The following HMCN2 variants were observed in gnomAD, a reference collection of about 807,000 sequenced individuals.
HMCN2 encodes the protein hemicentin 2.
HMCN2 carries 325 observed loss-of-function variants against 377.5 expected under a neutral mutation model. That is an observed-to-expected ratio of 0.86 (90% CI 0.79 to 0.94). The LOEUF is 0.94. Ranked by LOEUF, HMCN2 falls within the 40% of genes least tolerant of loss-of-function variation. HMCN2 has a pLI of 0.00. For missense variants in HMCN2, 4,543 were observed against 4,725.3 expected, an observed-to-expected ratio of 0.96 and a Z score of 1.13; for synonymous variants, 2,007 against 2,046.8, an observed-to-expected ratio of 0.98 and a Z score of 0.53.
rs1554936613 is a variant in HMCN2 at position 130,306,151 on chromosome 9, C to T, written c.1839C>T (p.His613=). The change falls in exon 12 of 98, where the codon CAC becomes CAT. Residue 613 remains histidine, a synonymous_variant. Transcript: ENST00000683500. ...LVREAPQVSI[H]TSSQHFSQGV... ...CAGAGGCCCCACAGGTCAGCATCCA[C>T]ACCAGCTCCCAGCACTTCTCCCAAG... The T allele has an allele frequency of 2.1e-6, 1 of 471,190 alleles. No homozygotes were observed. The highest frequency in any genetic ancestry group is 1.5e-5 in the South Asian group (1 of 64,564). 29.2% of individuals were successfully genotyped at this position (471,190 alleles called of 1,614,324 possible). A position where few individuals can be genotyped will look rare whatever the true frequency, so the allele number is the denominator to read the frequency against.
At chr9:130,341,527 G>A (rs926234438) in intron 24 of HMCN2, among the ~76,000 whole-genome samples, 162 bp downstream of exon 24, 3 of 152,330 alleles carry the variant, frequency 2.0e-5, no homozygotes, top group Admixed American at 2.0e-4. Context: ...CAGCCCCACA[G>A]CTTTGGGGCT....
At chr9:130,323,960 C>T (rs1211601465) in intron 19 of HMCN2, among the ~76,000 whole-genome samples, 2 of 152,222 alleles carry the variant, frequency 1.3e-5, no homozygotes, top group Non-Finnish European at 2.9e-5. Flanking sequence ...CCTCAGCCTC[C>T]CCAAGTGCTG....
intron 58 of HMCN2, 72 bp downstream of exon 58, chr9:130,384,606 A>G (rs1841914707): frequency 1.5e-6 from 2 of 1,300,890 alleles, no homozygotes; most frequent in Non-Finnish European, 1.0e-6. Flanking sequence ...GACCTGGGAC[A>G]GGGCCGTCAG....
At chr9:130,307,069 C>T (rs111654997) in intron 13 of HMCN2, 131 bp downstream of exon 13, 6 of 358,964 alleles carry the variant, frequency 1.7e-5, no homozygotes, top group African/African-American at 1.1e-4. Context: ...AACACATGGT[C>T]CCTGTCTGGG....
At chr9:130,356,878 A>G (rs1222716453) in intron 34 of HMCN2, among the ~76,000 whole-genome samples, 2 of 152,286 alleles carry the variant, frequency 1.3e-5, no homozygotes, top group Non-Finnish European at 2.9e-5. Context: ...ACACATAAGG[A>G]TGCATGGATA....
intron 1 of HMCN2, among the ~76,000 whole-genome samples, chr9:130,272,467 C>G (rs1834455701): frequency 8.0e-6 from 1 of 124,570 alleles, no homozygotes; most frequent in Non-Finnish European, 2.0e-5. Flanking sequence ...TCTTGAACTC[C>G]TGACCTCAAA....
At chr9:130,355,655 G>T in intron 32 of HMCN2, 91 bp from the exon 33 acceptor site, 1 of 671,730 alleles carries the variant, frequency 1.5e-6, no homozygotes, top group Non-Finnish European at 2.4e-6. Flanking sequence ...AGGTGCAGCT[G>T]GGCCTCGCTT....
chr9:130,433,732 C>T lies in HMCN2; in HGVS notation c.*39C>T, dbSNP rs760698053. On this transcript the variant is annotated 3_prime_UTR_variant, in exon 98 of 98. Coordinates refer to ENST00000683500, the MANE Select transcript of HMCN2 (RefSeq NM_001291815.2). Reference sequence around the variant, plus strand: ...TTGGCGGCCGCCCTGGCGTGACCCCCGAGGAAGGGGTCGAGGAGAAGCTTG... The same window carrying T: ...TTGGCGGCCGCCCTGGCGTGACCCCTGAGGAAGGGGTCGAGGAGAAGCTTG... 7.8e-5 allele frequency: 108 copies of T among 1,378,948 alleles called. No individual in the cohort carries two copies. The highest frequency in any genetic ancestry group is 9.9e-5 in the Non-Finnish European group (104 of 1,054,432). 85.4% of individuals were successfully genotyped at this position (1,378,948 alleles called of 1,614,324 possible).
At chr9:130,293,279 G>GTTTTTTCTTTTCTTT (rs1835902511) in intron 4 of HMCN2, among the ~76,000 whole-genome samples, 1 of 57,126 alleles carries the variant, frequency 1.8e-5, no homozygotes, top group Non-Finnish European at 2.7e-5. Context: ...ACTCACTAAA[G>GTTTTTTCTTTTCTTT]TTTTTTTTTT....
intron 62 of HMCN2, among the ~76,000 whole-genome samples, chr9:130,389,172 C>T (rs752660334): frequency 1.2e-4 from 19 of 152,196 alleles, no homozygotes; most frequent in Admixed American, 2.0e-4. Context: ...CCCCTCCATG[C>T]GCTAAACGTG....
chr9:130,382,366 G>A (rs1398625990), intron 55 of HMCN2, 69 bp downstream of exon 55: 2 of 688,336 alleles, frequency 2.9e-6, no homozygotes, highest in African/African-American at 3.9e-5. Flanking sequence ...CCTCAGAAGG[G>A]GCCGAGGCAA....
intron 23 of HMCN2, among the ~76,000 whole-genome samples, chr9:130,339,436 A>C (rs2131469085): frequency 6.6e-6 from 1 of 152,266 alleles, no homozygotes; most frequent in South Asian, 2.1e-4. Context: ...CAGAGTGGGA[A>C]GGGGCTCCAG....
chr9:130,368,892 C>T (rs1022499904), intron 44 of HMCN2, among the ~76,000 whole-genome samples: 1 of 152,112 alleles, frequency 6.6e-6, no homozygotes, highest in Non-Finnish European at 1.5e-5. Flanking sequence ...TCTCTCTGCA[C>T]GTGGGGATTA....
chr9:130,310,976 G>A (rs1273241508), intron 15 of HMCN2, among the ~76,000 whole-genome samples: 4 of 152,168 alleles, frequency 2.6e-5, no homozygotes, highest in Non-Finnish European at 4.4e-5. Context: ...GGAGAGGGGT[G>A]ATCATTCACT....
In HMCN2 at chr9:130,432,702, G is replaced by A. The variant is rs534315151; in HGVS notation, c.14894+147G>A. 1.4e-3 allele frequency: 1,106 copies of A among 811,660 alleles called. 21 individuals carry two copies. In the South Asian group the frequency reaches 0.018, roughly 13 times the overall value. The allele number at this position is 811,660 out of a possible 1,614,324, so 50.3% of individuals were successfully genotyped here. ...GAGCCCTGGGGGCAGGGAGAGGCCA[G>A]AGTGGGAGAGAACGGGGACACAGGA... On this transcript the variant is annotated intron_variant, in intron 97 of 97. Coordinates refer to ENST00000683500, the MANE Select transcript of HMCN2 (RefSeq NM_001291815.2).
chr9:130,373,931 A>G (rs1353061245), intron 48 of HMCN2, among the ~76,000 whole-genome samples: 1 of 146,104 alleles, frequency 6.8e-6, no homozygotes, highest in Non-Finnish European at 1.5e-5. Context: ...TTTGTGGCTG[A>G]ATAAAAGGAT....
intron 51 of HMCN2, 68 bp downstream of exon 51, chr9:130,376,057 A>C: frequency 1.7e-6 from 1 of 576,688 alleles, no homozygotes; most frequent in Non-Finnish European, 2.2e-6. Context: ...GGGCCCAGGC[A>C]CCTGAGCCAC....
intron 8 of HMCN2, among the ~76,000 whole-genome samples, chr9:130,301,191 T>C (rs752236108): frequency 4.8e-4 from 73 of 152,338 alleles, no homozygotes; most frequent in Non-Finnish European, 8.7e-4. Context: ...GGAGACCTCT[T>C]CTTTCCAGCC....
chr9:130,287,412 G>A (rs532516095), intron 4 of HMCN2, among the ~76,000 whole-genome samples: 3 of 152,006 alleles, frequency 2.0e-5, no homozygotes, highest in African/African-American at 7.2e-5. Context: ...TGGCTTAAGC[G>A]CACCTCCTCA....
Sources: allele counts gnomAD v4.1 joint callset (sites outside exome capture counted in the v4.1 genomes callset), GRCh38; gene constraint gnomAD v4.1.1; transcripts MANE v1.5; gene names NCBI Gene and HGNC (gene_info 2026-07-23, HGNC 2026-07-21).